Variants in NAV1 observed in about 807,000 individuals in gnomAD.
NAV1 encodes neuron navigator 1.
In NAV1, 18 loss-of-function variants were observed where a neutral mutation model predicts 175.2. That is an observed-to-expected ratio of 0.10 (90% CI 0.07 to 0.15). NAV1 has a LOEUF of 0.15. Ranked by LOEUF, NAV1 falls within the 10% of genes least tolerant of loss-of-function variation. The pLI, the probability that NAV1 is intolerant of heterozygous loss-of-function variation, is 1.00. For missense variants in NAV1, 1,731 were observed against 2,436.6 expected (o/e 0.71, Z 6.10); for synonymous variants, 897 against 978.7 (o/e 0.92, Z 1.56).
intron 1 of NAV1, among the ~76,000 whole-genome samples, chr1:201,559,873 C>T (rs1015604202): frequency 4.6e-5 from 7 of 152,218 alleles, no homozygotes; most frequent in Non-Finnish European, 1.0e-4. Flanking sequence ...CCGATCCCCA[C>T]GCCCTCCTCT....
At chr1:201,578,181 T>C (rs936922580) in intron 1 of NAV1, among the ~76,000 whole-genome samples, 11 of 152,292 alleles carry the variant, frequency 7.2e-5, no homozygotes, top group African/African-American at 2.6e-4. Flanking sequence ...TGCTTTTTGT[T>C]TTGGTCTATT....
At chr1:201,542,572 A>G (rs1251212329) in intron 1 of NAV1, among the ~76,000 whole-genome samples, 1 of 152,038 alleles carries the variant, frequency 6.6e-6, no homozygotes, top group African/African-American at 2.4e-5. Context: ...ATTTCCTCCG[A>G]GAGGCCTGCG....
intron 1 of NAV1, among the ~76,000 whole-genome samples, chr1:201,691,062 G>A (rs550522629): frequency 5.9e-5 from 9 of 152,212 alleles, no homozygotes; most frequent in Non-Finnish European, 1.3e-4. Flanking sequence ...CAGCACAACA[G>A]AAAGGAGGTG....
At chr1:201,727,850 T>C (rs1213325718) in intron 3 of NAV1, among the ~76,000 whole-genome samples, 1 of 152,170 alleles carries the variant, frequency 6.6e-6, no homozygotes, top group Admixed American at 6.5e-5. Flanking sequence ...CTCCCATTCA[T>C]TATTGGCTGA....
At chr1:201,691,897 T>C (rs1275359356) in intron 1 of NAV1, among the ~76,000 whole-genome samples, 3 of 152,222 alleles carry the variant, frequency 2.0e-5, no homozygotes, top group Non-Finnish European at 4.4e-5. Context: ...CCTGTTTAAC[T>C]CCCTGACTGT....
At chr1:201,626,170 G>A (rs1005553569) in intron 1 of NAV1, among the ~76,000 whole-genome samples, 5 of 152,200 alleles carry the variant, frequency 3.3e-5, no homozygotes, top group Non-Finnish European at 5.9e-5. Flanking sequence ...CTGCTGCCAT[G>A]GCAGCTCTGC....
chr1:201,786,559 G>A (rs777940953), exon 9 of NAV1: 1 of 1,613,552 alleles, frequency 6.2e-7, no homozygotes, highest in Non-Finnish European at 8.5e-7. Context: ...GAGTGCAAAG[G>A]GCCAACTTAC....
chr1:201,629,754 C>T (rs957380376), intron 2 of NAV1, among the ~76,000 whole-genome samples: 2 of 152,140 alleles, frequency 1.3e-5, no homozygotes, highest in African/African-American at 4.8e-5. Flanking sequence ...GGAGTCACTG[C>T]ATGTGTGTGT....
intron 3 of NAV1, among the ~76,000 whole-genome samples, chr1:201,721,519 A>G (rs1672384394): frequency 1.3e-5 from 2 of 152,232 alleles, no homozygotes; most frequent in African/African-American, 4.8e-5. Context: ...GTCGTTGCTC[A>G]GCCTCCTGTT....
At position 201,736,907 on chromosome 1, in the gene NAV1, G is replaced by A. The variant is rs1258585289; in HGVS notation, c.1226+18152G>A. Among the ~76,000 whole-genome samples, 7 of 151,874 alleles carry A rather than the reference G, an allele frequency of 4.6e-5. No individual in the cohort carries two copies. The East Asian group carries it at 1.4e-3, about 29-fold the overall frequency. On this transcript the variant is annotated intron_variant, in intron 3 of 29. Transcript: ENST00000367296. ...CAGGTGTCATCCTCCTCTACCATGT[G>A]TCCCTCCGCTGCCCCCCACTCCCTG...
intron 13 of NAV1, chr1:201,792,683 G>A (rs1280010882): frequency 6.6e-6 from 1 of 152,200 alleles, no homozygotes; most frequent in African/African-American, 2.4e-5. Context: ...CTGCACAGTG[G>A]GTGAAAGGAA....
chr1:201,571,193 T>A (rs1367957757), intron 1 of NAV1, among the ~76,000 whole-genome samples: 1 of 152,200 alleles, frequency 6.6e-6, no homozygotes, highest in Non-Finnish European at 1.5e-5. Context: ...ATTGCCATCA[T>A]GGTGTGATGA....
chr1:201,636,650 C>T (rs1365589528), intron 2 of NAV1, among the ~76,000 whole-genome samples: 1 of 152,136 alleles, frequency 6.6e-6, no homozygotes, highest in Non-Finnish European at 1.5e-5. Flanking sequence ...CGGAGAAATG[C>T]TCAGTTGTCC....
chr1:201,646,927 G>T (rs532996892), upstream of NAV1, among the ~76,000 whole-genome samples: 150 of 152,320 alleles, frequency 9.8e-4, no homozygotes, highest in African/African-American at 3.5e-3. Context: ...GAGAGTGTGT[G>T]AACCATGAGA....
chr1:201,634,707 G>A (rs1041985238), intron 2 of NAV1, among the ~76,000 whole-genome samples: 1 of 152,188 alleles, frequency 6.6e-6, no homozygotes, highest in East Asian at 1.9e-4. Context: ...TCAAGGCAGT[G>A]GATTTGACCC....
At chr1:201,783,965 C>T in intron 7 of NAV1, 113 bp downstream of exon 11, 1 of 955,298 alleles carries the variant, frequency 1.0e-6, no homozygotes, top group South Asian at 1.8e-5. Context: ...GACATTTTTT[C>T]ACATATATTA....
intron 1 of NAV1, among the ~76,000 whole-genome samples, chr1:201,576,906 G>A (rs902957772): frequency 6.6e-5 from 10 of 152,224 alleles, no homozygotes; most frequent in African/African-American, 1.7e-4. Context: ...TTCTTTTCAC[G>A]TGCTTATTTA....
At chr1:201,569,570 T>C (rs1234112721) in intron 1 of NAV1, among the ~76,000 whole-genome samples, 1 of 152,202 alleles carries the variant, frequency 6.6e-6, no homozygotes, top group Admixed American at 6.5e-5. Flanking sequence ...GCTGACATCA[T>C]ATAAGATGCT....
rs77960497 is a variant in NAV1 at position 201,785,648 on chromosome 1, C to T, written c.2846+297C>T. Among the ~76,000 whole-genome samples the T allele has an allele frequency of 9.0e-3, 1,367 of 152,244 alleles. 17 individuals are homozygous for T. The highest frequency in any genetic ancestry group is 0.031 in the African/African-American group (1,306 of 41,520). On this transcript the variant is annotated intron_variant, in intron 8 of 29. Coordinates refer to ENST00000367296, the Ensembl canonical transcript of NAV1. ...CATCCCAATCCTGGCTGAGCTTCATCTCTGTAATTTTCTTCCCTAAAAGTA... is the reference window on the plus strand; with the variant it reads ...CATCCCAATCCTGGCTGAGCTTCATTTCTGTAATTTTCTTCCCTAAAAGTA...
Sources: allele counts gnomAD v4.1 joint callset (sites outside exome capture counted in the v4.1 genomes callset), GRCh38; gene constraint gnomAD v4.1.1; transcripts MANE v1.5; gene names NCBI Gene and HGNC (gene_info 2026-07-23, HGNC 2026-07-21).